DLGAP2: variants seen among roughly 807,000 people sequenced by gnomAD.
The protein encoded by DLGAP2 is disks large-associated protein 2.
Under a neutral mutation model 100.3 loss-of-function variants are expected in DLGAP2, and 26 were observed. The ratio of observed to expected loss-of-function variants is 0.26; its 90% confidence interval spans 0.19 to 0.36. DLGAP2 has a LOEUF of 0.36. Among genes scored for constraint, DLGAP2 ranks in the 10% least tolerant of loss-of-function variants. The probability of loss-of-function intolerance (pLI) is 1.00; values close to 1 mark genes in which losing one functional copy is unlikely to be tolerated. For synonymous variants in DLGAP2, 886 were observed against 630.1 expected (o/e 1.41, Z -6.08); for missense variants, 1,858 against 1,453.2 (o/e 1.28, Z -4.53).
chr8:1,474,645 C>A (rs550396507), intron 3 of DLGAP2, among the ~76,000 whole-genome samples: 176 of 152,304 alleles, frequency 1.2e-3, no homozygotes, highest in Middle Eastern at 3.4e-3. Flanking sequence ...CAGTAATCAT[C>A]TGAGAAATGC....
At chr8:841,671 T>G (rs1270853559) in intron 1 of DLGAP2, among the ~76,000 whole-genome samples, 1 of 152,060 alleles carries the variant, frequency 6.6e-6, no homozygotes, top group Non-Finnish European at 1.5e-5. Context: ...AGCCTTGAAC[T>G]CCTGGGCTCA....
intron 4 of DLGAP2, among the ~76,000 whole-genome samples, chr8:1,506,513 T>G (rs1171823729): frequency 6.6e-6 from 1 of 152,158 alleles, no homozygotes; most frequent in Non-Finnish European, 1.5e-5. Context: ...TTGCAGCTCA[T>G]AAAAGGAGTG....
chr8:1,368,893 C>G lies in DLGAP2; in HGVS notation c.106+110010C>G, dbSNP rs573427231. 18 of 152,336 alleles carry G rather than the reference C, an allele frequency of 1.2e-4. No homozygotes were observed. The South Asian group carries it at 3.3e-3, about 28-fold the overall frequency. 9.4% of individuals were successfully genotyped at this position (152,336 alleles called of 1,614,324 possible). A position where few individuals can be genotyped will look rare whatever the true frequency, so the allele number is the denominator to read the frequency against. On this transcript the variant is annotated intron_variant, in intron 3 of 14. Coordinates refer to ENST00000637795, the MANE Select transcript of DLGAP2 (RefSeq NM_001346810.2). Reference sequence around the variant, plus strand: ...AAAGGTCAAATTGACTGCGATGGCTCTAAGTGGCGTCTTCCTGTAATACAG... The same window carrying G: ...AAAGGTCAAATTGACTGCGATGGCTGTAAGTGGCGTCTTCCTGTAATACAG...
At chr8:1,033,626 C>G (rs1288605641) in intron 2 of DLGAP2, among the ~76,000 whole-genome samples, 2 of 152,202 alleles carry the variant, frequency 1.3e-5, no homozygotes, top group African/African-American at 2.4e-5. Context: ...TGAGGTTACA[C>G]TCTGCACTCC....
At chr8:1,004,786 G>A (rs78929787) in intron 2 of DLGAP2, among the ~76,000 whole-genome samples, 3,572 of 152,324 alleles carry the variant, frequency 0.023, 130 homozygotes, top group African/African-American at 0.082. Context: ...TGCCCTTGGT[G>A]GAGAGACCCC....
intron 3 of DLGAP2, among the ~76,000 whole-genome samples, chr8:1,376,266 T>C (rs573834450): frequency 2.6e-5 from 4 of 152,362 alleles, no homozygotes; most frequent in African/African-American, 7.2e-5. Flanking sequence ...GTCTCATAGC[T>C]GTGAGCCACC....
intron 4 of DLGAP2, among the ~76,000 whole-genome samples, chr8:1,528,801 A>G (rs1295997151): frequency 6.6e-6 from 1 of 152,216 alleles, no homozygotes; most frequent in Non-Finnish European, 1.5e-5. Flanking sequence ...ATGTCCTGCC[A>G]TCTTAAGGAA....
At chr8:962,887 A>C (rs549116675) in intron 2 of DLGAP2, among the ~76,000 whole-genome samples, 75 of 152,262 alleles carry the variant, frequency 4.9e-4, no homozygotes, top group African/African-American at 1.7e-3. Flanking sequence ...CTTTCATGCC[A>C]GGCTTTGTGA....
intron 2 of DLGAP2, among the ~76,000 whole-genome samples, chr8:931,260 T>A (rs1798949533): frequency 6.6e-6 from 1 of 152,144 alleles, no homozygotes; most frequent in African/African-American, 2.4e-5. Flanking sequence ...GGGCCAGTTG[T>A]GTTTCTGAAG....
At chr8:1,432,832 G>A (rs1797491591) in intron 3 of DLGAP2, among the ~76,000 whole-genome samples, 1 of 152,192 alleles carries the variant, frequency 6.6e-6, no homozygotes, top group African/African-American at 2.4e-5. Context: ...GCCTGGTCCA[G>A]ACACACTGGA....
intron 4 of DLGAP2, among the ~76,000 whole-genome samples, chr8:1,521,741 T>C (rs1800605844): frequency 2.1e-5 from 1 of 46,926 alleles, no homozygotes; most frequent in Non-Finnish European, 4.5e-5. Flanking sequence ...GCAGCTGATA[T>C]GGGGCGTCTC....
chr8:814,731 T>C (rs551583583), intron 1 of DLGAP2, among the ~76,000 whole-genome samples: 2 of 150,704 alleles, frequency 1.3e-5, no homozygotes, highest in South Asian at 4.2e-4. Flanking sequence ...CAGGTGCCTA[T>C]AGTCCCAGCT....
intron 8 of DLGAP2, among the ~76,000 whole-genome samples, chr8:1,650,041 G>T (rs149670653): frequency 2.6e-5 from 4 of 152,342 alleles, no homozygotes; most frequent in African/African-American, 9.6e-5. Context: ...CCTTAAATAT[G>T]CGGGCAGGTT....
rs1472085951 is a variant in DLGAP2 at position 1,565,927 on chromosome 8, C to G, written c.1442+33C>G. The G allele has an allele frequency of 2.6e-6, 4 of 1,535,612 alleles. No homozygotes were observed. In the South Asian group the frequency reaches 4.9e-5, roughly 19 times the overall value. On this transcript the variant is annotated intron_variant, in intron 6 of 14. Transcript: ENST00000637795. ...AGACCAGCTGCCTTCCCACTCCAAGCACTTTCCCACTGCCTGCGAGCTCCC... is the reference window on the plus strand; with the variant it reads ...AGACCAGCTGCCTTCCCACTCCAAGGACTTTCCCACTGCCTGCGAGCTCCC...
intron 3 of DLGAP2, among the ~76,000 whole-genome samples, chr8:1,272,377 A>G (rs1799600522): frequency 6.6e-6 from 1 of 152,118 alleles, no homozygotes; most frequent in Non-Finnish European, 1.5e-5. Context: ...TGAGCTGGAA[A>G]AGAAAGTTTT....
intron 1 of DLGAP2, among the ~76,000 whole-genome samples, chr8:844,122 G>A (rs1393347990): frequency 2.0e-5 from 3 of 152,198 alleles, no homozygotes; most frequent in Non-Finnish European, 4.4e-5. Flanking sequence ...GGTTCACAGT[G>A]AAGAGTATTC....
intron 3 of DLGAP2, among the ~76,000 whole-genome samples, chr8:1,318,478 C>G (rs1352740122): frequency 6.7e-6 from 1 of 150,176 alleles, no homozygotes; most frequent in Non-Finnish European, 1.5e-5. Context: ...AAATGGCAGC[C>G]CTCTTCACGC....
intron 1 of DLGAP2, among the ~76,000 whole-genome samples, chr8:782,896 C>A (rs1225900040): frequency 2.6e-5 from 4 of 152,192 alleles, no homozygotes; most frequent in Non-Finnish European, 5.9e-5. Flanking sequence ...AACCAACCCC[C>A]AAATCACAAT....
intron 3 of DLGAP2, among the ~76,000 whole-genome samples, chr8:1,330,039 G>C (rs946207149): frequency 6.6e-6 from 1 of 152,230 alleles, no homozygotes; most frequent in African/African-American, 2.4e-5. Flanking sequence ...CATTAAAGTG[G>C]CTTTGCTCCA....
Sources: allele counts gnomAD v4.1 joint callset (sites outside exome capture counted in the v4.1 genomes callset), GRCh38; gene constraint gnomAD v4.1.1; transcripts MANE v1.5; gene names NCBI Gene and HGNC (gene_info 2026-07-23, HGNC 2026-07-21).